BCKDHB: variants seen among roughly 807,000 people sequenced by gnomAD.
The protein encoded by BCKDHB is branched chain keto acid dehydrogenase E1 subunit beta, also known as 2-oxoisovalerate dehydrogenase subunit beta, mitochondrial.
Under a neutral mutation model 48.5 loss-of-function variants are expected in BCKDHB, and 41 were observed. The observed-to-expected ratio is 0.85, with a 90% confidence interval of 0.66 to 1.10. BCKDHB has a LOEUF of 1.10. Among genes scored for constraint, BCKDHB ranks in the 50% least tolerant of loss-of-function variants. The pLI is 0.00. For synonymous variants in BCKDHB, 201 were observed against 174.8 expected, an observed-to-expected ratio of 1.15 and a Z score of -1.18; for missense variants, 496 against 494.2, an observed-to-expected ratio of 1.00 and a Z score of -0.03.
intron 8 of BCKDHB, among the ~76,000 whole-genome samples, chr6:80,254,907 T>TAGAC (rs750100708): frequency 8.5e-5 from 13 of 152,172 alleles, no homozygotes; most frequent in East Asian, 5.8e-4. Context: ...TTCAGCCAGA[T>TAGAC]AGACAGACAG....
rs574693937 is a variant in BCKDHB at position 80,139,154 on chromosome 6, G to A, written c.343+9925G>A. 1.2e-4 allele frequency among the ~76,000 whole-genome samples: 18 copies of A among 152,126 alleles called. 2 individuals are homozygous for A. Among genetic ancestry groups the A allele is most frequent in the Admixed American group, 1.0e-3 (16 of 15,262 alleles). On this transcript the variant is annotated intron_variant, in intron 3 of 9. Transcript: ENST00000320393. ...CGCCCACTTTTTGATGGGGTTGTTTGTCTTTTTCTTGTAAATTTGTTTGAG... is the reference window on the plus strand; with the variant it reads ...CGCCCACTTTTTGATGGGGTTGTTTATCTTTTTCTTGTAAATTTGTTTGAG...
At chr6:80,433,500 C>G in the BCKDHB span, among the ~76,000 whole-genome samples, 1 of 152,176 alleles carries the variant, frequency 6.6e-6, no homozygotes, top group Non-Finnish European at 1.5e-5. Flanking sequence ...ATGGCAGACA[C>G]CCCTCCCCGC....
chr6:80,256,994 C>G (rs1286924105), intron 8 of BCKDHB, among the ~76,000 whole-genome samples: 1 of 152,084 alleles, frequency 6.6e-6, no homozygotes, highest in African/African-American at 2.4e-5. Context: ...TTATAGTTTT[C>G]TATCATTAGT....
intron 6 of BCKDHB, among the ~76,000 whole-genome samples, chr6:80,186,168 G>C (rs545777032): frequency 6.6e-6 from 1 of 152,224 alleles, no homozygotes; most frequent in Admixed American, 6.5e-5. Context: ...GTTCTCAAGG[G>C]TTTATGTATT....
the BCKDHB span, among the ~76,000 whole-genome samples, chr6:80,353,627 G>A: frequency 1.3e-5 from 2 of 152,072 alleles, no homozygotes; most frequent in Non-Finnish European, 2.9e-5. Context: ...GGCTGAGGTG[G>A]GTGGATCACA....
At chr6:80,391,639 CTGT>C in the BCKDHB span, among the ~76,000 whole-genome samples, 4 of 152,242 alleles carry the variant, frequency 2.6e-5, no homozygotes, top group South Asian at 2.1e-4. Flanking sequence ...GAACAAATTT[CTGT>C]TGTTGTAAGC....
intron 6 of BCKDHB, among the ~76,000 whole-genome samples, chr6:80,187,070 T>G (rs1448770365): frequency 9.9e-5 from 15 of 152,214 alleles, no homozygotes; most frequent in Non-Finnish European, 1.5e-5. Context: ...AGGAAAAGTT[T>G]ACAGTGTGAG....
intron 9 of BCKDHB, among the ~76,000 whole-genome samples, chr6:80,308,732 C>G (rs1409258753): frequency 6.6e-6 from 1 of 150,630 alleles, no homozygotes; most frequent in Non-Finnish European, 1.5e-5. Context: ...GTAGCTGGGA[C>G]TACAGGCGCC....
intron 6 of BCKDHB, among the ~76,000 whole-genome samples, chr6:80,174,082 A>T (rs549913020): frequency 6.6e-6 from 1 of 152,200 alleles, no homozygotes; most frequent in Non-Finnish European, 1.5e-5. Context: ...TGCAGTATCC[A>T]TAAGTAAAAA....
chr6:80,117,519 A>G (rs1250448735), intron 1 of BCKDHB, among the ~76,000 whole-genome samples: 1 of 152,246 alleles, frequency 6.6e-6, no homozygotes, highest in Non-Finnish European at 1.5e-5. Context: ...AACTGGCCAT[A>G]AAGAGAATCT....
intron 3 of BCKDHB, among the ~76,000 whole-genome samples, chr6:80,157,210 A>C (rs887420961): frequency 6.6e-6 from 1 of 152,106 alleles, no homozygotes; most frequent in Non-Finnish European, 1.5e-5. Context: ...GTCATTAAAA[A>C]AATTAATTTC....
At chr6:80,153,804 A>G (rs1582245312) in intron 3 of BCKDHB, among the ~76,000 whole-genome samples, 1 of 152,316 alleles carries the variant, frequency 6.6e-6, no homozygotes, top group East Asian at 1.9e-4. Context: ...GGATGAGGAA[A>G]CTGAAGCACA....
At chr6:80,225,144 C>T (rs920449167) in intron 8 of BCKDHB, among the ~76,000 whole-genome samples, 1 of 152,190 alleles carries the variant, frequency 6.6e-6, no homozygotes, top group African/African-American at 2.4e-5. Flanking sequence ...ATTTAAATCT[C>T]CTGGTTTGCA....
chr6:80,430,823 A>G, the BCKDHB span, among the ~76,000 whole-genome samples: 1,685 of 151,822 alleles, frequency 0.011, 17 homozygotes, highest in African/African-American at 0.026. Flanking sequence ...ATCTCCTTCA[A>G]TTCTGCTCTG....
the BCKDHB span, among the ~76,000 whole-genome samples, chr6:80,388,555 A>C: frequency 6.6e-6 from 1 of 152,300 alleles, no homozygotes; most frequent in East Asian, 1.9e-4. Flanking sequence ...GGGTATGCAC[A>C]GCAGGATTTC....
chr6:80,187,740 CCAT>C (rs1773713431), intron 6 of BCKDHB, among the ~76,000 whole-genome samples: 1 of 151,932 alleles, frequency 6.6e-6, no homozygotes, highest in Non-Finnish European at 1.5e-5. Flanking sequence ...TCAACATCAC[CCAT>C]CATTAGAGAA....
Position 80,186,183 on chromosome 6 carries a change from C to G in BCKDHB, c.743-14751C>G, listed in dbSNP as rs576712675. On this transcript the variant is annotated intron_variant, in intron 6 of 9. Transcript: ENST00000320393. ...GTTCTCAAGGGTTTATGTATTTTGG[C>G]TCAGGCTACCAGGGTGGGTAGTGAA... 4.6e-5 allele frequency among the ~76,000 whole-genome samples: 7 copies of G among 152,214 alleles called. No individual in the cohort carries two copies. In the East Asian group the frequency reaches 1.2e-3, roughly 25 times the overall value.
At chr6:80,255,312 G>T (rs920121425) in intron 8 of BCKDHB, among the ~76,000 whole-genome samples, 1 of 152,140 alleles carries the variant, frequency 6.6e-6, no homozygotes, top group Non-Finnish European at 1.5e-5. Flanking sequence ...AAACCTATTA[G>T]ATGTAGGAAT....
At chr6:80,277,103 A>G (rs183907702) in intron 9 of BCKDHB, among the ~76,000 whole-genome samples, 4 of 152,166 alleles carry the variant, frequency 2.6e-5, no homozygotes, top group Admixed American at 2.6e-4. Context: ...CTTGACACAT[A>G]CTATAACTTA....
Sources: gnomAD v4.1 joint callset for allele counts (sites outside exome capture counted in the v4.1 genomes callset) on GRCh38, gnomAD v4.1.1 for gene constraint, MANE v1.5 for transcripts, NCBI Gene and HGNC (gene_info 2026-07-23, HGNC 2026-07-21) for gene names.